IGSF11: variants seen among roughly 807,000 people sequenced by gnomAD.
IGSF11 encodes the protein immunoglobulin superfamily member 11.
Under a neutral mutation model 41.0 loss-of-function variants are expected in IGSF11, and 22 were observed. The observed-to-expected ratio is 0.54, with a 90% CI of 0.38 to 0.77. The LOEUF (loss-of-function observed/expected upper bound fraction) is 0.77, where lower values mean the gene tolerates loss of function less well. Ranked by LOEUF, IGSF11 falls within the 30% of genes least tolerant of loss-of-function variation. IGSF11 has a pLI of 0.00. For missense variants in IGSF11, 444 were observed against 530.8 expected, an observed-to-expected ratio of 0.84 and a Z score of 1.61; for synonymous variants, 219 against 201.3, an observed-to-expected ratio of 1.09 and a Z score of -0.74.
intron 1 of IGSF11, among the ~76,000 whole-genome samples, chr3:119,121,102 G>C (rs2077328207): frequency 6.6e-6 from 1 of 152,124 alleles, no homozygotes; most frequent in Non-Finnish European, 1.5e-5. Flanking sequence ...TCTGATATCA[G>C]AGTTGTTAAA....
intron 1 of IGSF11, among the ~76,000 whole-genome samples, chr3:119,074,985 A>C (rs9840510): frequency 0.17 from 25,550 of 152,188 alleles, 2,622 homozygotes; most frequent in Non-Finnish European, 0.24. Flanking sequence ...AACCAAAATC[A>C]AAGGTGAAAC....
intron 1 of IGSF11, among the ~76,000 whole-genome samples, chr3:119,041,385 C>T (rs1325868720): frequency 6.6e-6 from 1 of 152,082 alleles, no homozygotes; most frequent in Non-Finnish European, 1.5e-5. Context: ...AGTTTGAGAC[C>T]AGCCTGGCCA....
intron 1 of IGSF11, among the ~76,000 whole-genome samples, chr3:119,089,357 C>T (rs1023162357): frequency 3.9e-5 from 6 of 151,968 alleles, no homozygotes; most frequent in Admixed American, 1.3e-4. Flanking sequence ...CACAGAAAAG[C>T]TTTCCAATAA....
At position 119,012,041 on chromosome 3, in the gene IGSF11, G is replaced by A. The variant is rs555637772; in HGVS notation, c.52+22490C>T. Among the ~76,000 whole-genome samples, 7 of 152,280 alleles carry A rather than the reference G, an allele frequency of 4.6e-5. No homozygotes were observed. In the South Asian group the frequency reaches 1.2e-3, roughly 27 times the overall value. ...GTGTACACACACACAGAGAGAGAGA[G>A]AGAGCGTGAGTGCGAGAGCACTAGA... On this transcript the variant is annotated intron_variant, in intron 1 of 6. Coordinates refer to ENST00000393775, the MANE Select transcript of IGSF11 (RefSeq NM_001015887.3).
chr3:119,040,564 C>G (rs993284797), intron 1 of IGSF11, among the ~76,000 whole-genome samples: 2 of 152,188 alleles, frequency 1.3e-5, no homozygotes, highest in African/African-American at 4.8e-5. Flanking sequence ...ATTTTAAAAT[C>G]CCTCTCCCCG....
intron 1 of IGSF11, among the ~76,000 whole-genome samples, chr3:119,042,552 C>T (rs1253194094): frequency 1.3e-5 from 2 of 152,138 alleles, no homozygotes; most frequent in South Asian, 2.1e-4. Context: ...CCATAATCCC[C>T]CTGGGAACAA....
rs374394710 is a variant in IGSF11 at position 118,996,776 on chromosome 3, T to A, written c.52+37755A>T. Among the ~76,000 whole-genome samples the A allele has an allele frequency of 1.6e-4, 25 of 152,214 alleles. No homozygotes were observed. The South Asian group carries it at 5.0e-3, about 30-fold the overall frequency. On this transcript the variant is annotated intron_variant, in intron 1 of 6. Coordinates refer to ENST00000393775, the MANE Select transcript of IGSF11 (RefSeq NM_001015887.3). ...CACAATGCCTGGCTAATTTTTTGTATTTTTAGTAGAGACGGGGTTTCACCG... is the reference window on the plus strand; with the variant it reads ...CACAATGCCTGGCTAATTTTTTGTAATTTTAGTAGAGACGGGGTTTCACCG...
chr3:119,034,522 G>C lies in IGSF11; in HGVS notation c.52+9C>G. ...GCCCCACCGGGAAGAAAGGGCTGGA[G>C]CTACTCACCGTGCAGAGAGAGGAGC... On this transcript the variant is annotated intron_variant, in intron 1 of 6. Coordinates refer to ENST00000393775, the MANE Select transcript of IGSF11 (RefSeq NM_001015887.3). 3 of 1,575,554 alleles carry C rather than the reference G, an allele frequency of 1.9e-6. No homozygotes were observed. The highest frequency in any genetic ancestry group is 2.6e-6 in the Non-Finnish European group (3 of 1,161,326).
In IGSF11 at chr3:118,951,266, A is replaced by G. The variant is rs564872532; in HGVS notation, c.53-20991T>C. On this transcript the variant is annotated intron_variant, in intron 1 of 6. Transcript: ENST00000393775. Reference sequence around the variant, plus strand: ...GCTATGCTTGATGCATGTATACCTTATATCAGGGACTGCAACTGGTGATTC... The same window carrying G: ...GCTATGCTTGATGCATGTATACCTTGTATCAGGGACTGCAACTGGTGATTC... 1.0e-3 allele frequency among the ~76,000 whole-genome samples: 158 copies of G among 152,308 alleles called. 1 individual carries two copies. The highest frequency in any genetic ancestry group is 3.6e-3 in the African/African-American group (151 of 41,564).
intron 1 of IGSF11, among the ~76,000 whole-genome samples, chr3:118,974,023 T>G (rs1933768399): frequency 6.6e-6 from 1 of 152,044 alleles, no homozygotes; most frequent in Non-Finnish European, 1.5e-5. Context: ...GGTGATGGGT[T>G]GATAGGTGCA....
At chr3:119,109,923 G>T (rs567816709), upstream of IGSF11, among the ~76,000 whole-genome samples, 6 of 152,222 alleles carry the variant, frequency 3.9e-5, no homozygotes, top group South Asian at 8.3e-4. Flanking sequence ...TTAATCCTGA[G>T]TTCTAGTTTG....
At chr3:119,061,523 T>A (rs1214760366) in intron 1 of IGSF11, among the ~76,000 whole-genome samples, 1 of 152,142 alleles carries the variant, frequency 6.6e-6, no homozygotes, top group East Asian at 1.9e-4. Context: ...GTAGCCACAT[T>A]TCATCAGGCT....
intron 1 of IGSF11, among the ~76,000 whole-genome samples, chr3:119,074,057 C>G (rs934085867): frequency 6.6e-6 from 1 of 152,210 alleles, no homozygotes; most frequent in Non-Finnish European, 1.5e-5. Context: ...GATAACCACA[C>G]AGTAATAGTG....
At chr3:118,924,173 A>C (rs1217677654) in intron 4 of IGSF11, among the ~76,000 whole-genome samples, 1 of 152,062 alleles carries the variant, frequency 6.6e-6, no homozygotes, top group African/African-American at 2.4e-5. Context: ...CTATATATTT[A>C]ATGTTTGAAT....
At chr3:119,027,859 G>C (rs976883738) in intron 1 of IGSF11, among the ~76,000 whole-genome samples, 3 of 152,112 alleles carry the variant, frequency 2.0e-5, no homozygotes, top group Non-Finnish European at 4.4e-5. Context: ...ATACATAAGT[G>C]AACTGTACCA....
At chr3:119,091,989 T>A (rs2076768513) in intron 1 of IGSF11, among the ~76,000 whole-genome samples, 2 of 86,468 alleles carry the variant, frequency 2.3e-5, no homozygotes, top group East Asian at 9.5e-4. Flanking sequence ...GTTTTTGGTT[T>A]TTTTGGGGGG....
chr3:119,063,332 G>A (rs1255791339), intron 1 of IGSF11, among the ~76,000 whole-genome samples: 2 of 152,178 alleles, frequency 1.3e-5, no homozygotes, highest in Non-Finnish European at 2.9e-5. Context: ...GCTAGGCAAA[G>A]GGAAAGTGGA....
intron 1 of IGSF11, among the ~76,000 whole-genome samples, chr3:119,058,021 T>TAGA (rs1308324428): frequency 6.6e-6 from 1 of 152,204 alleles, no homozygotes; most frequent in East Asian, 1.9e-4. Context: ...ATAAAAACCC[T>TAGA]AGAAGAAAAC....
chr3:119,123,084 T>C (rs2077354945), intron 1 of IGSF11, among the ~76,000 whole-genome samples: 1 of 152,126 alleles, frequency 6.6e-6, no homozygotes, highest in African/African-American at 2.4e-5. Context: ...GGATGGCATT[T>C]CTAAACCCAT....
Sources: allele counts gnomAD v4.1 joint callset (sites outside exome capture counted in the v4.1 genomes callset), GRCh38; gene constraint gnomAD v4.1.1; transcripts MANE v1.5; gene names NCBI Gene and HGNC (gene_info 2026-07-23, HGNC 2026-07-21).